The following ANGPT2 variants were observed in gnomAD, a reference collection of about 807,000 sequenced individuals.
ANGPT2 encodes the protein angiopoietin 2, also known as angiopoietin-2.
In ANGPT2, 28 loss-of-function variants were observed where a neutral mutation model predicts 62.9. That is an observed-to-expected ratio of 0.44 (90% CI 0.33 to 0.61). The LOEUF is 0.61. ANGPT2 is among the 20% of genes least tolerant of loss of function. The pLI, the probability that ANGPT2 is intolerant of heterozygous loss-of-function variation, is 0.03. For missense variants in ANGPT2, 727 were observed against 594.9 expected, an observed-to-expected ratio of 1.22 and a Z score of -2.31; for synonymous variants, 284 against 207.8, an observed-to-expected ratio of 1.37 and a Z score of -3.15.
chr8:6,559,817 A>C (rs1369140306), intron 1 of ANGPT2, among the ~76,000 whole-genome samples: 3 of 152,308 alleles, frequency 2.0e-5, no homozygotes, highest in East Asian at 3.9e-4. Context: ...TAGCATGAGT[A>C]GTGTTTGGTC....
chr8:6,547,468 G>GT (rs1822812041), intron 1 of ANGPT2, among the ~76,000 whole-genome samples: 1 of 152,242 alleles, frequency 6.6e-6, no homozygotes, highest in African/African-American at 2.4e-5. Context: ...CAGAACTGAC[G>GT]TTTTCTTCTG....
At chr8:6,527,713 T>A (rs770200609) in intron 2 of ANGPT2, 37 bp from the exon 3 acceptor site, 37 of 1,537,394 alleles carry the variant, frequency 2.4e-5, no homozygotes, top group Non-Finnish European at 3.3e-5. Context: ...TTAATTATTT[T>A]TTAATTAGTT....
chr8:6,506,291 G>A (rs905798919), intron 8 of ANGPT2, among the ~76,000 whole-genome samples: 3 of 151,632 alleles, frequency 2.0e-5, no homozygotes, highest in Admixed American at 6.6e-5. Context: ...TCATTAGGCT[G>A]GTTCATTCAT....
At chr8:6,559,718 T>G (rs149754999) in intron 1 of ANGPT2, among the ~76,000 whole-genome samples, 21 of 152,376 alleles carry the variant, frequency 1.4e-4, no homozygotes, top group African/African-American at 5.0e-4. Flanking sequence ...ACAATCCATT[T>G]TGCTAAATTA....
intron 3 of ANGPT2, among the ~76,000 whole-genome samples, chr8:6,524,575 A>G (rs1032199458): frequency 6.6e-6 from 1 of 152,204 alleles, no homozygotes; most frequent in Non-Finnish European, 1.5e-5. Flanking sequence ...CCTTCCGTTT[A>G]ACAGAGATGT....
At chr8:6,514,515 C>G (rs1815847400) in intron 6 of ANGPT2, among the ~76,000 whole-genome samples, 162 bp downstream of exon 6, 1 of 152,084 alleles carries the variant, frequency 6.6e-6, no homozygotes, top group Admixed American at 6.6e-5. Context: ...TACAGTTTAC[C>G]TTATATTGGC....
At chr8:6,515,949 G>A (rs1490236881) in intron 5 of ANGPT2, among the ~76,000 whole-genome samples, 2 of 152,164 alleles carry the variant, frequency 1.3e-5, no homozygotes, top group African/African-American at 2.4e-5. Context: ...CAGAGGAAGT[G>A]CAGTGGCTGC....
intron 7 of ANGPT2, among the ~76,000 whole-genome samples, chr8:6,513,033 A>G (rs1039570390): frequency 1.3e-5 from 2 of 152,248 alleles, no homozygotes; most frequent in African/African-American, 2.4e-5. Context: ...TCCATCATTT[A>G]TGCTATTCAT....
chr8:6,517,082 A>G (rs1207396559), intron 5 of ANGPT2, among the ~76,000 whole-genome samples: 4 of 152,268 alleles, frequency 2.6e-5, no homozygotes, highest in Non-Finnish European at 5.9e-5. Context: ...AGAGAAAGAT[A>G]GTGTTCAAAT....
At chr8:6,527,798 A>G in intron 2 of ANGPT2, 122 bp from the exon 3 acceptor site, 1 of 940,280 alleles carries the variant, frequency 1.1e-6, no homozygotes, top group Non-Finnish European at 1.5e-6. Flanking sequence ...TTATTAACCC[A>G]AGTATCTTAT....
intron 7 of ANGPT2, 94 bp downstream of exon 7, chr8:6,513,584 C>T (rs547863533): frequency 1.1e-5 from 11 of 960,342 alleles, no homozygotes; most frequent in Admixed American, 5.7e-5. Flanking sequence ...CTGCCCACCT[C>T]GGCCTCCCAA....
chr8:6,557,116 T>G (rs1483064716), intron 1 of ANGPT2, among the ~76,000 whole-genome samples: 1 of 152,178 alleles, frequency 6.6e-6, no homozygotes, highest in Non-Finnish European at 1.5e-5. Context: ...TCATGTTCAT[T>G]CACACTCCTC....
At chr8:6,528,681 G>A (rs922175953) in intron 2 of ANGPT2, among the ~76,000 whole-genome samples, 5 of 152,206 alleles carry the variant, frequency 3.3e-5, no homozygotes, top group African/African-American at 4.8e-5. Context: ...AGGAAGAATC[G>A]ACTACTCACT....
intron 1 of ANGPT2, among the ~76,000 whole-genome samples, chr8:6,550,904 A>G (rs1054674376): frequency 1.3e-5 from 2 of 152,194 alleles, no homozygotes; most frequent in East Asian, 1.9e-4. Context: ...TCGTTTCACA[A>G]TTACAGCCCA....
intron 8 of ANGPT2, among the ~76,000 whole-genome samples, chr8:6,506,845 A>C (rs1051732400): frequency 2.6e-5 from 4 of 151,960 alleles, no homozygotes; most frequent in Non-Finnish European, 4.4e-5. Flanking sequence ...AAGACATGAA[A>C]ATTACTGAAT....
chr8:6,555,825 C>G (rs1468584803), intron 1 of ANGPT2, among the ~76,000 whole-genome samples: 1 of 152,158 alleles, frequency 6.6e-6, no homozygotes, highest in African/African-American at 2.4e-5. Context: ...CCAATTGCAC[C>G]AATTCTATTA....
At position 6,501,124 on chromosome 8, in the gene ANGPT2, A is replaced by T. The variant is rs371117853; in HGVS notation, c.*1977T>A. 31 of 152,376 alleles carry T rather than the reference A, an allele frequency of 2.0e-4. No homozygotes were observed. The South Asian group carries it at 6.2e-3, about 31-fold the overall frequency. The allele number at this position is 152,376 out of a possible 1,614,324, so 9.4% of individuals were successfully genotyped here. A position where few individuals can be genotyped will look rare whatever the true frequency, so the allele number is the denominator to read the frequency against. On this transcript the variant is annotated 3_prime_UTR_variant, in exon 9 of 9. Coordinates refer to ENST00000629816, the MANE Select transcript of ANGPT2 (RefSeq NM_001118887.2). The stretch of plus-strand genomic sequence containing the variant: ...ACAGTTCTAAGATAGGGAGGTTCTT[A>T]ACTAGTTAAATAGTTGTTGGAAAAG...
chr8:6,517,252 T>C (rs2515432), intron 5 of ANGPT2, among the ~76,000 whole-genome samples: 80,383 of 152,010 alleles, frequency 0.53, 22,129 homozygotes, highest in African/African-American at 0.67. Context: ...CACTGGTGCA[T>C]GGTGCAGGAA....
chr8:6,506,735 G>A (rs1340842147), intron 8 of ANGPT2, among the ~76,000 whole-genome samples: 1 of 151,032 alleles, frequency 6.6e-6, no homozygotes, highest in Middle Eastern at 3.2e-3. Flanking sequence ...GAGGACCTGT[G>A]GTACCAAATA....
Sources: allele counts gnomAD v4.1 joint callset (sites outside exome capture counted in the v4.1 genomes callset), GRCh38; gene constraint gnomAD v4.1.1; transcripts MANE v1.5; gene names NCBI Gene and HGNC (gene_info 2026-07-23, HGNC 2026-07-21).